Variants in TRIO observed in about 807,000 individuals in gnomAD.
The protein encoded by TRIO is trio Rho guanine nucleotide exchange factor, also known as triple functional domain protein.
TRIO carries 58 observed loss-of-function variants against 351.9 expected under a neutral mutation model. The observed-to-expected ratio is 0.16, with a 90% CI of 0.13 to 0.21. TRIO has a LOEUF of 0.21. TRIO is among the 10% of genes least tolerant of loss of function. The pLI, the probability that TRIO is intolerant of heterozygous loss-of-function variation, is 1.00. For missense variants in TRIO, 3,201 were observed against 4,027.8 expected (o/e 0.79, Z 5.56); for synonymous variants, 1,758 against 1,595.7 (o/e 1.10, Z -2.42).
chr5:14,379,847 G>A lies in TRIO; in HGVS notation c.3448-1283G>A, dbSNP rs114213574. ...GTGGTGCCCCATCTGCCTTCCAGCC[G>A]TTCTGCTTCTGTTCACTGTCACAAT... On this transcript the variant is annotated intron_variant, in intron 20 of 56. Transcript: ENST00000344204. 5.6e-3 allele frequency among the ~76,000 whole-genome samples: 854 copies of A among 152,284 alleles called. 6 individuals carry two copies. The highest frequency in any genetic ancestry group is 0.018 in the African/African-American group (758 of 41,560).
intron 47 of TRIO, among the ~76,000 whole-genome samples, chr5:14,486,264 C>G (rs769052421): frequency 6.6e-6 from 1 of 152,188 alleles, no homozygotes; most frequent in Non-Finnish European, 1.5e-5. Flanking sequence ...TATGCCTGCT[C>G]AAGCTCAATA....
At chr5:14,167,985 C>T (rs16903250) in intron 1 of TRIO, among the ~76,000 whole-genome samples, 3,588 of 152,130 alleles carry the variant, frequency 0.024, 153 homozygotes, top group African/African-American at 0.083. Flanking sequence ...GGTATTTAAG[C>T]CATAGCAAAT....
At position 14,372,728 on chromosome 5, in the gene TRIO, C is replaced by T. The variant is rs927579435; in HGVS notation, c.3217-1501C>T. On this transcript the variant is annotated intron_variant, in intron 18 of 56. Coordinates refer to ENST00000344204, the MANE Select transcript of TRIO (RefSeq NM_007118.4). ...GGATTTAAATATATTTGGTGTGTTT[C>T]AAAGCAGTCACTGTCATTTATCTTT... is the stretch of plus-strand genomic sequence containing the variant. Among the ~76,000 whole-genome samples the T allele has an allele frequency of 1.3e-5, 2 of 152,056 alleles. 1 individual carries two copies. Among genetic ancestry groups the T allele is most frequent in the Non-Finnish European group, 2.9e-5 (2 of 68,012 alleles).
chr5:14,204,606 A>T (rs1318735518), intron 1 of TRIO, among the ~76,000 whole-genome samples: 1 of 152,216 alleles, frequency 6.6e-6, no homozygotes, highest in Non-Finnish European at 1.5e-5. Flanking sequence ...AAAGGATTTG[A>T]GGAAGATATT....
intron 29 of TRIO, among the ~76,000 whole-genome samples, chr5:14,398,538 G>C (rs1009800454): frequency 6.6e-6 from 1 of 152,152 alleles, no homozygotes; most frequent in Non-Finnish European, 1.5e-5. Context: ...AGGAGCTTTC[G>C]GTGGTGGGAT....
At chr5:14,328,886 C>T (rs1740651752) in intron 9 of TRIO, among the ~76,000 whole-genome samples, 1 of 152,098 alleles carries the variant, frequency 6.6e-6, no homozygotes, top group African/African-American at 2.4e-5. Context: ...ACCTCCCACA[C>T]GTCTGATTTC....
chr5:14,357,204 CGTTGCACAGG>C (rs1743693971), intron 11 of TRIO, among the ~76,000 whole-genome samples: 1 of 152,196 alleles, frequency 6.6e-6, no homozygotes, highest in Non-Finnish European at 1.5e-5. Flanking sequence ...AGGCAGCAGG[CGTTGCACAGG>C]GTATCAAGCG....
intron 1 of TRIO, among the ~76,000 whole-genome samples, chr5:14,258,505 G>A (rs374904518): frequency 6.6e-6 from 1 of 152,290 alleles, no homozygotes. Flanking sequence ...TGTCCTGTCA[G>A]GAGTGTAGCA....
intron 1 of TRIO, among the ~76,000 whole-genome samples, chr5:14,251,594 A>AGGCCC (rs1404510509): frequency 6.6e-6 from 1 of 152,196 alleles, no homozygotes; most frequent in East Asian, 1.9e-4. Context: ...CTCTTTGAAA[A>AGGCCC]GGCCCCTCTT....
chr5:14,177,814 GC>G (rs1379335877), intron 1 of TRIO, among the ~76,000 whole-genome samples: 2 of 152,132 alleles, frequency 1.3e-5, no homozygotes, highest in Non-Finnish European at 2.9e-5. Context: ...GGGCTGCTTT[GC>G]ATCTTCATGC....
At position 14,358,068 on chromosome 5, in the gene TRIO, C is replaced by T. The variant is rs1176695087; in HGVS notation, c.2047-110C>T. The T allele has an allele frequency of 9.5e-6, 13 of 1,362,784 alleles. No individual in the cohort carries two copies. In the South Asian group the frequency reaches 1.6e-4, roughly 17 times the overall value. The allele number at this position is 1,362,784 out of a possible 1,614,324, so 84.4% of individuals were successfully genotyped here. A position where few individuals can be genotyped will look rare whatever the true frequency, so the allele number is the denominator to read the frequency against. ...CCGGGAGTGGTCTGTCACCAGTCCC[C>T]TCCCAGGGCAAGTCACACACCGTCT... On this transcript the variant is annotated intron_variant, in intron 11 of 56. Transcript: ENST00000344204.
intron 26 of TRIO, 75 bp from the exon 27 acceptor site, chr5:14,390,826 T>G (rs958222387): frequency 4.7e-6 from 6 of 1,283,594 alleles, no homozygotes; most frequent in Admixed American, 2.6e-5. Context: ...CCATACTGCT[T>G]CTTTTCTATA....
chr5:14,287,366 G>A (rs989823239), intron 4 of TRIO, among the ~76,000 whole-genome samples: 1 of 152,204 alleles, frequency 6.6e-6, no homozygotes, highest in Non-Finnish European at 1.5e-5. Flanking sequence ...TTGACAAACA[G>A]CTTTACCAGG....
intron 34 of TRIO, among the ~76,000 whole-genome samples, chr5:14,459,138 T>G (rs1753586675): frequency 6.6e-6 from 1 of 152,214 alleles, no homozygotes; most frequent in African/African-American, 2.4e-5. Flanking sequence ...TTCTGGAATC[T>G]TCACTAATCT....
chr5:14,385,046 T>G (rs1010215062), intron 21 of TRIO, among the ~76,000 whole-genome samples: 1 of 152,148 alleles, frequency 6.6e-6, no homozygotes, highest in African/African-American at 2.4e-5. Flanking sequence ...AAAACCACAC[T>G]GAGTTCATTT....
At chr5:14,372,264 G>GAC (rs1179584561) in intron 18 of TRIO, among the ~76,000 whole-genome samples, 1 of 149,858 alleles carries the variant, frequency 6.7e-6, no homozygotes, top group African/African-American at 2.5e-5. Flanking sequence ...GAGAGAGAGA[G>GAC]AGAGAGAGAG....
intron 28 of TRIO, among the ~76,000 whole-genome samples, chr5:14,395,617 G>T (rs1747492313): frequency 6.6e-6 from 1 of 152,200 alleles, no homozygotes; most frequent in South Asian, 2.1e-4. Flanking sequence ...ATCTGGTGAT[G>T]AGGGAAGGTG....
intron 7 of TRIO, among the ~76,000 whole-genome samples, chr5:14,298,306 A>G (rs1737542821): frequency 6.6e-6 from 1 of 152,140 alleles, no homozygotes; most frequent in Non-Finnish European, 1.5e-5. Context: ...TTTGCTCATG[A>G]CTCAGAGTTT....
intron 9 of TRIO, among the ~76,000 whole-genome samples, chr5:14,320,661 T>G (rs1739799965): frequency 6.6e-6 from 1 of 152,200 alleles, no homozygotes. Context: ...CTTTATTCTT[T>G]TTTTCTCTTT....
Sources: allele counts gnomAD v4.1 joint callset (sites outside exome capture counted in the v4.1 genomes callset), GRCh38; gene constraint gnomAD v4.1.1; transcripts MANE v1.5; gene names NCBI Gene and HGNC (gene_info 2026-07-23, HGNC 2026-07-21).